Variants in SKIC3 observed in about 807,000 individuals in gnomAD.
SKIC3 encodes the protein SKI3 subunit of superkiller complex, also known as superkiller complex protein 3.
chr5:95,534,354 G>C, the SKIC3 span, among the ~76,000 whole-genome samples: 1 of 152,000 alleles, frequency 6.6e-6, no homozygotes, highest in Non-Finnish European at 1.5e-5. Context: ...ACTCCTGCCA[G>C]GCAGCTATTG....
chr5:95,523,278 C>T, the SKIC3 span: 3 of 1,613,866 alleles, frequency 1.9e-6, no homozygotes, highest in Admixed American at 5.0e-5. Context: ...TTTGCCGTTC[C>T]AGCACTTGCC....
chr5:95,470,263 C>T, the SKIC3 span, among the ~76,000 whole-genome samples: 1 of 152,176 alleles, frequency 6.6e-6, no homozygotes, highest in Non-Finnish European at 1.5e-5. Context: ...CAGGCGTGAG[C>T]CACCGCGCCC....
chr5:95,465,209 C>T, the SKIC3 span, among the ~76,000 whole-genome samples: 7 of 152,084 alleles, frequency 4.6e-5, no homozygotes, highest in South Asian at 6.2e-4. Flanking sequence ...GGATTACAGG[C>T]GTGAGGCACT....
At chr5:95,498,556 T>G in the SKIC3 span, 16 of 1,614,098 alleles carry the variant, frequency 9.9e-6, no homozygotes, top group East Asian at 1.3e-4. Flanking sequence ...ACACAGGGCT[T>G]GAAGGCTTTC....
At chr5:95,516,374 G>A in the SKIC3 span, 3 of 1,613,024 alleles carry the variant, frequency 1.9e-6, no homozygotes, top group Non-Finnish European at 2.5e-6. Flanking sequence ...CATTTGTGAG[G>A]TATAACACTC....
the SKIC3 span, among the ~76,000 whole-genome samples, chr5:95,475,725 T>A: frequency 6.6e-6 from 1 of 152,242 alleles, no homozygotes; most frequent in South Asian, 2.1e-4. Flanking sequence ...CAGGGCTCTG[T>A]ACAGGATCTT....
chr5:95,528,200 T>C, the SKIC3 span: 2 of 1,611,960 alleles, frequency 1.2e-6, 1 homozygote, highest in Non-Finnish European at 1.7e-6. Context: ...ATCACTTCTG[T>C]TTATTTTTTC....
the SKIC3 span, chr5:95,503,999 A>C: frequency 6.4e-7 from 1 of 1,570,414 alleles, no homozygotes; most frequent in Non-Finnish European, 8.7e-7. Context: ...GTATCATCAA[A>C]ATACTGAGAT....
chr5:95,494,908 C>T, the SKIC3 span: 22 of 1,595,950 alleles, frequency 1.4e-5, no homozygotes, highest in Non-Finnish European at 1.8e-5. Context: ...ACTATTATTC[C>T]TTCATCAATA....
chr5:95,506,804 G>A, the SKIC3 span: 2 of 951,556 alleles, frequency 2.1e-6, no homozygotes, highest in East Asian at 2.5e-5. Flanking sequence ...AACAGAGCCT[G>A]TTTCTATGGA....
the SKIC3 span, chr5:95,522,442 C>A: frequency 9.6e-7 from 1 of 1,036,394 alleles, no homozygotes; most frequent in Non-Finnish European, 1.3e-6. Flanking sequence ...CTATTTAAAG[C>A]AGATAAATTT....
the SKIC3 span, among the ~76,000 whole-genome samples, chr5:95,507,625 T>A: frequency 6.6e-6 from 1 of 152,220 alleles, no homozygotes; most frequent in Non-Finnish European, 1.5e-5. Flanking sequence ...CTTTCCCATT[T>A]AAAGACGACT....
chr5:95,493,425 T>C, the SKIC3 span, among the ~76,000 whole-genome samples: 1 of 152,200 alleles, frequency 6.6e-6, no homozygotes, highest in Admixed American at 6.5e-5. Context: ...GGCTAATAGA[T>C]CTTTTATCAT....
chr5:95,506,773 T>C, the SKIC3 span, among the ~76,000 whole-genome samples: 1 of 152,198 alleles, frequency 6.6e-6, no homozygotes, highest in Non-Finnish European at 1.5e-5. Context: ...TTGGTTACCA[T>C]TATAGGTATA....
chr5:95,475,070 C>A, the SKIC3 span, among the ~76,000 whole-genome samples: 1 of 152,198 alleles, frequency 6.6e-6, no homozygotes, highest in African/African-American at 2.4e-5. Flanking sequence ...AGCTTCCTTG[C>A]CATCCAGATT....
chr5:95,529,405 C>T, the SKIC3 span: 4 of 413,530 alleles, frequency 9.7e-6, no homozygotes, highest in Middle Eastern at 1.4e-3. Context: ...TTATAAAATT[C>T]CCCTGCTAAA....
chr5:95,520,913 C>G, the SKIC3 span: 2 of 912,992 alleles, frequency 2.2e-6, no homozygotes, highest in Non-Finnish European at 3.5e-6. Flanking sequence ...TTTTAAAGCA[C>G]TTTCCAGAAA....
the SKIC3 span, chr5:95,516,663 A>G: frequency 6.2e-7 from 1 of 1,613,276 alleles, no homozygotes; most frequent in African/African-American, 1.3e-5. Context: ...AGTGTTACTC[A>G]ATTCTCACCA....
the SKIC3 span, chr5:95,541,990 T>C: frequency 1.2e-6 from 1 of 829,528 alleles, no homozygotes; most frequent in East Asian, 2.7e-5. Context: ...AATAATATGA[T>C]AATCTATAAA....
Sources: allele counts gnomAD v4.1 joint callset (sites outside exome capture counted in the v4.1 genomes callset), GRCh38; gene constraint gnomAD v4.1.1; transcripts MANE v1.5; gene names NCBI Gene and HGNC (gene_info 2026-07-23, HGNC 2026-07-21).